Variants in ANKS1A observed in about 807,000 individuals in gnomAD.
The protein encoded by ANKS1A is ankyrin repeat and sterile alpha motif domain containing 1A.
A neutral mutation model predicts 120.3 loss-of-function variants in ANKS1A; 55 were observed. The ratio of observed to expected loss-of-function variants is 0.46; its 90% confidence interval spans 0.37 to 0.57. The LOEUF is 0.57. ANKS1A is among the 20% of genes least tolerant of loss of function. ANKS1A has a pLI of 0.00. For missense variants in ANKS1A, 1,123 were observed against 1,480.3 expected, an observed-to-expected ratio of 0.76 and a Z score of 3.96; for synonymous variants, 590 against 604.7, an observed-to-expected ratio of 0.98 and a Z score of 0.36.
chr6:34,955,943 A>C (rs1402686806), intron 1 of ANKS1A, among the ~76,000 whole-genome samples: 1 of 152,136 alleles, frequency 6.6e-6, no homozygotes, highest in African/African-American at 2.4e-5. Flanking sequence ...CATTTATTAT[A>C]AAATTTCACA....
chr6:35,007,660 C>A (rs1166453533), intron 10 of ANKS1A, among the ~76,000 whole-genome samples: 1 of 152,164 alleles, frequency 6.6e-6, no homozygotes, highest in Non-Finnish European at 1.5e-5. Context: ...TTTGTAGCAT[C>A]CACTAATAGT....
intron 1 of ANKS1A, among the ~76,000 whole-genome samples, chr6:34,940,777 G>T (rs180946113): frequency 6.6e-6 from 1 of 151,622 alleles, no homozygotes; most frequent in African/African-American, 2.4e-5. Context: ...GCGTGGTGGC[G>T]GGTGCCTGTA....
rs540171570 is a variant in ANKS1A, at chr6:35,068,991, C to T, written c.2184+8738C>T. 3.7e-4 allele frequency among the ~76,000 whole-genome samples: 57 copies of T among 152,282 alleles called. No homozygotes were observed. The East Asian group carries it at 0.01, about 27-fold the overall frequency. The stretch of plus-strand genomic sequence containing the variant: ...AACGTCCAATGCAAGAGAGGGCTGA[C>T]GTCTGGCCATTGGTGGGCCCAGGAC... On this transcript the variant is annotated intron_variant, in intron 13 of 23. Coordinates refer to ENST00000360359, the MANE Select transcript of ANKS1A (RefSeq NM_015245.3).
chr6:35,077,246 G>A (rs1777413202), intron 13 of ANKS1A, among the ~76,000 whole-genome samples: 1 of 152,200 alleles, frequency 6.6e-6, no homozygotes, highest in Non-Finnish European at 1.5e-5. Flanking sequence ...ACACTCACGG[G>A]GAGGGTGTTC....
intron 10 of ANKS1A, among the ~76,000 whole-genome samples, chr6:35,004,824 AAAAG>A (rs559919632): frequency 2.6e-4 from 39 of 152,366 alleles, no homozygotes; most frequent in South Asian, 4.1e-4. Flanking sequence ...ACAGAGTTAA[AAAAG>A]AAAGAAAGTG....
chr6:34,990,357 C>T (rs1371712223), intron 9 of ANKS1A, among the ~76,000 whole-genome samples: 1 of 152,134 alleles, frequency 6.6e-6, no homozygotes, highest in Non-Finnish European at 1.5e-5. Context: ...TATAATGTCT[C>T]ATCTAAGGGT....
At chr6:34,905,934 G>A (rs746256380) in intron 1 of ANKS1A, among the ~76,000 whole-genome samples, 25 of 152,062 alleles carry the variant, frequency 1.6e-4, no homozygotes, top group Non-Finnish European at 7.4e-5. Context: ...AACTCTGAAG[G>A]GAAGAGGACA....
chr6:35,086,276 C>T lies in ANKS1A; in HGVS notation c.3303+340C>T, dbSNP rs766611680. Reference sequence around the variant, plus strand: ...GCTTTGCTCTGCACCCCAGGTGCCGCTGCCCCCCGATAGTCGCTGTTGTTA... The same window carrying T: ...GCTTTGCTCTGCACCCCAGGTGCCGTTGCCCCCCGATAGTCGCTGTTGTTA... On this transcript the variant is annotated intron_variant, in intron 22 of 23. Transcript: ENST00000360359. This position sits in a 1 kb window ranked among gnomAD's most constrained non-coding sequence, Gnocchi z 5.1. The T allele has an allele frequency of 3.0e-6, 4 of 1,334,034 alleles. No homozygotes were observed. Among genetic ancestry groups the T allele is most frequent in the East Asian group, 4.7e-5 (1 of 21,494 alleles). 82.6% of individuals were successfully genotyped at this position (1,334,034 alleles called of 1,614,324 possible).
At chr6:34,925,139 G>A (rs565314994) in intron 1 of ANKS1A, among the ~76,000 whole-genome samples, 37 of 152,278 alleles carry the variant, frequency 2.4e-4, no homozygotes, top group Admixed American at 1.0e-3. Flanking sequence ...TGTATTAGCC[G>A]TAGTTTCATA....
intron 8 of ANKS1A, among the ~76,000 whole-genome samples, chr6:34,987,560 A>G (rs1458207228): frequency 2.6e-5 from 4 of 152,192 alleles, no homozygotes; most frequent in Admixed American, 2.0e-4. Context: ...AGTGGGACTT[A>G]GTGGGACATC....
intron 1 of ANKS1A, among the ~76,000 whole-genome samples, chr6:34,964,506 A>G (rs547087292): frequency 1.3e-5 from 2 of 152,100 alleles, no homozygotes; most frequent in Non-Finnish European, 2.9e-5. Context: ...TTCTTATAAC[A>G]TGGTATGTCT....
chr6:34,910,860 C>CAAAAAAAAAAAAAA (rs10715320), intron 1 of ANKS1A, among the ~76,000 whole-genome samples: 1 of 80,316 alleles, frequency 1.2e-5, no homozygotes. Context: ...AACTCCATCT[C>CAAAAAAAAAAAAAA]AAAAAAAAAA....
rs1777888561 is a variant in ANKS1A at position 35,084,960 on chromosome 6, CAG to C, written c.3132+705_3132+706del. ...CTGCTTCCTCACCCCGGGAGGAAGT[CAG>C]AGGGGTCCAGGTCTCTGCCGCCCTC... On this transcript the variant is annotated intron_variant, in intron 21 of 23. Transcript: ENST00000360359. The surrounding 1 kb of genome is among the most constrained non-coding windows in gnomAD (Gnocchi z 4.8). Among the ~76,000 whole-genome samples the C allele has an allele frequency of 6.6e-6, 1 of 152,170 alleles. No homozygotes were observed. Among genetic ancestry groups the C allele is most frequent in the Non-Finnish European group, 1.5e-5 (1 of 68,028 alleles).
chr6:34,961,621 G>A (rs1770645030), intron 1 of ANKS1A, among the ~76,000 whole-genome samples: 1 of 152,120 alleles, frequency 6.6e-6, no homozygotes, highest in Admixed American at 6.5e-5. Context: ...GTTAGAAAAC[G>A]ATGAAAGGCT....
In ANKS1A at chr6:34,983,192, G is replaced by A. The variant is rs1423353275; in HGVS notation, c.888G>A (p.Gln296=). The change falls in exon 6 of 24, where the codon CAG becomes CAA. Residue 296 remains glutamine (Q), a synonymous_variant. Transcript: ENST00000360359. ...TVRELPSQKS[Q]QIAALIEDHM... Reference sequence around the variant, plus strand: ...GGGAACTGCCTTCTCAAAAGAGCCAGCAAATAGCAGCATTAATTGAAGGTA... The same window carrying A: ...GGGAACTGCCTTCTCAAAAGAGCCAACAAATAGCAGCATTAATTGAAGGTA... 6.2e-7 allele frequency: 1 copy of A among 1,614,170 alleles called. No individual in the cohort carries two copies. The highest frequency in any genetic ancestry group is 8.5e-7 in the Non-Finnish European group (1 of 1,180,014).
At chr6:35,093,461 T>C (rs1051881807), downstream of ANKS1A, among the ~76,000 whole-genome samples, 2 of 152,144 alleles carry the variant, frequency 1.3e-5, no homozygotes, top group African/African-American at 4.8e-5. Context: ...CCAAACGTTA[T>C]AAAACCCTGA....
rs144301550 is a variant in ANKS1A at position 34,985,184 on chromosome 6, C to T, written c.1115C>T (p.Ser372Leu). 7 of 1,614,198 alleles carry T rather than the reference C, an allele frequency of 4.3e-6. No homozygotes were observed. The highest frequency in any genetic ancestry group is 2.2e-5 in the East Asian group (1 of 44,888). Reference protein sequence around the residue: ...EALYNAISCHSLDSMASGRSS... With the variant: ...EALYNAISCHLLDSMASGRSS... ...CTGTATAATGCCATCTCCTGCCATTCGTTGGACAGCATGGCCAGCGGGCGA... is the reference window on the plus strand; with the variant it reads ...CTGTATAATGCCATCTCCTGCCATTTGTTGGACAGCATGGCCAGCGGGCGA... Residue 372 changes from serine to leucine, a missense_variant, in exon 8 of 24, where the codon TCG (serine) becomes TTG (leucine). By Grantham distance (145) the Ser-to-Leu change is moderately radical. Coordinates refer to ENST00000360359, the MANE Select transcript of ANKS1A (RefSeq NM_015245.3).
intron 9 of ANKS1A, among the ~76,000 whole-genome samples, chr6:34,990,349 T>C (rs1047145816): frequency 3.3e-5 from 5 of 152,206 alleles, no homozygotes; most frequent in African/African-American, 1.2e-4. Context: ...ATGCTTATTA[T>C]AATGTCTCAT....
chr6:35,037,874 C>A (rs1775260173), intron 11 of ANKS1A, among the ~76,000 whole-genome samples: 1 of 152,044 alleles, frequency 6.6e-6, no homozygotes, highest in Non-Finnish European at 1.5e-5. Flanking sequence ...CATGGGCAGG[C>A]AACTCAGGGG....
Sources: allele counts gnomAD v4.1 joint callset (sites outside exome capture counted in the v4.1 genomes callset), GRCh38; gene constraint gnomAD v4.1.1; non-coding constraint Gnocchi (gnomAD v3.1); transcripts MANE v1.5; gene names NCBI Gene and HGNC (gene_info 2026-07-23, HGNC 2026-07-21).